The following RRM2 variants were observed in gnomAD, a reference collection of about 807,000 sequenced individuals.
The protein encoded by RRM2 is ribonucleotide reductase regulatory subunit M2, also known as ribonucleoside-diphosphate reductase subunit M2.
In RRM2, 6 loss-of-function variants were observed where a neutral mutation model predicts 45.9. That is an observed-to-expected ratio of 0.13 (90% CI 0.07 to 0.26). The LOEUF (loss-of-function observed/expected upper bound fraction) is 0.26. RRM2 is among the 10% of genes least tolerant of loss of function. RRM2 has a pLI of 1.00. For synonymous variants in RRM2, 177 were observed against 173.0 expected (o/e 1.02, Z -0.18); for missense variants, 343 against 489.5 (o/e 0.70, Z 2.82).
At chr2:10,194,615 TG>T (rs1664375628) in intron 3 of RRM2, among the ~76,000 whole-genome samples, 1 of 152,208 alleles carries the variant, frequency 6.6e-6, no homozygotes, top group Admixed American at 6.5e-5. Flanking sequence ...CCGGGTGGCT[TG>T]GCCGGCCTGG....
chr2:10,160,891 T>C (rs866454865), intron 3 of RRM2, among the ~76,000 whole-genome samples: 2 of 152,170 alleles, frequency 1.3e-5, no homozygotes, highest in African/African-American at 2.4e-5. Flanking sequence ...GCCCCTGCAG[T>C]GCTCCCACCA....
Position 10,124,860 on chromosome 2 carries a change from C to G in RRM2, c.569+10C>G. Reference sequence around the variant, plus strand: ...AAGATCCCAAAGAAAGGTGAGTATTCAAGTGGTATGCCAAGATTTTTAGGA... The same window carrying G: ...AAGATCCCAAAGAAAGGTGAGTATTGAAGTGGTATGCCAAGATTTTTAGGA... On this transcript the variant is annotated intron_variant, in intron 5 of 9. Coordinates refer to ENST00000304567, the MANE Select transcript of RRM2 (RefSeq NM_001034.4). 1 of 1,589,726 alleles carries G rather than the reference C, an allele frequency of 6.3e-7. No individual in the cohort carries two copies. The highest frequency in any genetic ancestry group is 8.6e-7 in the Non-Finnish European group (1 of 1,164,034).
intron 3 of RRM2, among the ~76,000 whole-genome samples, chr2:10,192,410 C>A (rs1664327049): frequency 6.6e-6 from 1 of 152,204 alleles, no homozygotes. Context: ...AGAACCTCTC[C>A]CTACAGCAGC....
intron 3 of RRM2, chr2:10,199,328 A>C (rs2125332095): frequency 6.6e-6 from 1 of 152,154 alleles, no homozygotes; most frequent in Middle Eastern, 3.4e-3. Flanking sequence ...AATTGAAAAC[A>C]TTATTTTGGA....
At chr2:10,144,384 T>C (rs1214822221) in intron 3 of RRM2, among the ~76,000 whole-genome samples, 1 of 152,204 alleles carries the variant, frequency 6.6e-6, no homozygotes. Context: ...CATGATGTGG[T>C]GGGGAAGTGA....
chr2:10,183,353 G>A (rs1051820654), intron 3 of RRM2, among the ~76,000 whole-genome samples: 2 of 152,162 alleles, frequency 1.3e-5, no homozygotes, highest in African/African-American at 2.4e-5. Context: ...ACTGGGCTCC[G>A]AGCCTCTGGG....
chr2:10,207,710 C>T (rs940184342), intron 3 of RRM2, among the ~76,000 whole-genome samples: 3 of 152,136 alleles, frequency 2.0e-5, no homozygotes, highest in Admixed American at 2.0e-4. Flanking sequence ...AGGAAGCCTG[C>T]CTTGACCTCC....
At chr2:10,152,703 G>A (rs1389868010) in intron 3 of RRM2, among the ~76,000 whole-genome samples, 4 of 151,308 alleles carry the variant, frequency 2.6e-5, no homozygotes, top group Non-Finnish European at 5.9e-5. Flanking sequence ...GGCTGGTCTC[G>A]AACTCTTCAC....
At chr2:10,184,486 CCCTGAGT>C (rs1664123381) in intron 3 of RRM2, among the ~76,000 whole-genome samples, 1 of 152,256 alleles carries the variant, frequency 6.6e-6, no homozygotes, top group Non-Finnish European at 1.5e-5. Flanking sequence ...TTGTGGGAGG[CCCTGAGT>C]CCTGGGCAAA....
rs955395981 is a variant in RRM2 at position 10,205,203 on chromosome 2, G to A, written n.483-5108G>A. Reference sequence around the variant, plus strand: ...AGACTTAGAGAAATGAGGAGGGGGCGTGGAGCAGGGGCTGAGGCCTGAGCG... The same window carrying A: ...AGACTTAGAGAAATGAGGAGGGGGCATGGAGCAGGGGCTGAGGCCTGAGCG... On this transcript the variant is annotated intron_variant and non_coding_transcript_variant, in intron 3 of 3. Coordinates refer to the RRM2 transcript ENST00000381786. This position sits in a 1 kb window ranked among gnomAD's most constrained non-coding sequence, Gnocchi z 4.8. Among the ~76,000 whole-genome samples, 4 of 152,224 alleles carry A rather than the reference G, an allele frequency of 2.6e-5. No individual in the cohort carries two copies. The highest frequency in any genetic ancestry group is 4.8e-5 in the African/African-American group (2 of 41,448).
At chr2:10,141,530 G>A in exon 1 of RRM2, 1 of 366,452 alleles carries the variant, frequency 2.7e-6, no homozygotes, top group South Asian at 2.8e-5. Flanking sequence ...TGGGCACATG[G>A]TGGTGGACAG....
intron 3 of RRM2, among the ~76,000 whole-genome samples, chr2:10,151,576 G>A (rs554904634): frequency 6.6e-6 from 1 of 152,168 alleles, no homozygotes; most frequent in African/African-American, 2.4e-5. Flanking sequence ...GGGATCACAG[G>A]CGTGAGCCAC....
chr2:10,150,361 C>T (rs530567058), intron 3 of RRM2, among the ~76,000 whole-genome samples: 5 of 151,174 alleles, frequency 3.3e-5, no homozygotes, highest in South Asian at 4.2e-4. Context: ...GCAGGAGAAT[C>T]GCTTGAATCT....
At chr2:10,210,641 C>A in exon 4 of RRM2, 1 of 1,343,582 alleles carries the variant, frequency 7.4e-7, no homozygotes, top group South Asian at 1.2e-5. Flanking sequence ...GCCTCTCATG[C>A]CGGAGTGGGG....
chr2:10,123,511 C>A lies in RRM2; in HGVS notation c.299C>A (p.Ser100Tyr). The A allele has an allele frequency of 6.2e-7, 1 of 1,613,386 alleles. No individual in the cohort carries two copies. The highest frequency in any genetic ancestry group is 8.5e-7 in the Non-Finnish European group (1 of 1,179,804). The change falls in exon 3 of 10, where the codon TCC (serine) becomes TAC (tyrosine). Residue 100 changes from serine to tyrosine, a missense_variant. Ser to Tyr is a moderately radical substitution (Grantham distance 144). Around this residue, in one of 2 missense-constraint regions of RRM2, gnomAD observed 212 missense variants for 368.1 expected, o/e 0.58. Coordinates refer to ENST00000304567, the MANE Select transcript of RRM2 (RefSeq NM_001034.4). ...CAGATGTATAAGAAGGCAGAGGCTTCCTTTTGGACCGCCGAGGAGGTAATC... is the reference window on the plus strand; with the variant it reads ...CAGATGTATAAGAAGGCAGAGGCTTACTTTTGGACCGCCGAGGAGGTAATC... ...IWQMYKKAEASFWTAEEVDLS... is the reference protein window; with the variant it reads ...IWQMYKKAEAYFWTAEEVDLS...
Position 10,122,975 on chromosome 2 carries a change from C to A in RRM2, c.100-8C>A, listed in dbSNP as rs1662694950. 2.6e-6 allele frequency: 4 copies of A among 1,550,058 alleles called. No individual in the cohort carries two copies. The highest frequency in any genetic ancestry group is 1.4e-5 in the African/African-American group (1 of 74,050). On this transcript the variant is annotated splice_region_variant and splice_polypyrimidine_tract_variant and intron_variant, in intron 1 of 9. Coordinates refer to ENST00000304567, the MANE Select transcript of RRM2 (RefSeq NM_001034.4). ...AGCCGCTCCTCACTCACACGCGTCT[C>A]CCCGCAGCCGCCGGCCCTGAGCGGG...
rs76398256 is a variant in RRM2 at position 10,205,883 on chromosome 2, G to A, written n.483-4428G>A. On this transcript the variant is annotated intron_variant and non_coding_transcript_variant, in intron 3 of 3. Coordinates refer to the RRM2 transcript ENST00000381786. The surrounding 1 kb of genome is among the most constrained non-coding windows in gnomAD (Gnocchi z 4.8). ...ATTTTTGTATTTTTAGTGGAGACGA[G>A]GTTTTCACCACGTTGACCAGGCTGG... is the stretch of plus-strand genomic sequence containing the variant. Among the ~76,000 whole-genome samples, 22,865 of 151,848 alleles carry A rather than the reference G, an allele frequency of 0.15. 2,071 individuals carry two copies. Among genetic ancestry groups the A allele is most frequent in the Non-Finnish European group, 0.21 (14,079 of 67,920 alleles).
At chr2:10,196,125 A>AC (rs1484196716) in intron 3 of RRM2, among the ~76,000 whole-genome samples, 1 of 151,936 alleles carries the variant, frequency 6.6e-6, no homozygotes, top group Non-Finnish European at 1.5e-5. Flanking sequence ...GTGGCTTCTC[A>AC]CCCTGTATTT....
chr2:10,134,830 GGA>G (rs1415760156), downstream of RRM2, among the ~76,000 whole-genome samples: 1 of 152,204 alleles, frequency 6.6e-6, no homozygotes, highest in African/African-American at 2.4e-5. Context: ...AAGAAAGCAT[GGA>G]GAGAGTGGAC....
Sources: gnomAD v4.1 joint callset for allele counts (sites outside exome capture counted in the v4.1 genomes callset) on GRCh38, gnomAD v4.1.1 for gene constraint, gnomAD v4.1.1 regional missense constraint, Gnocchi (gnomAD v3.1) non-coding constraint, MANE v1.5 for transcripts, NCBI Gene and HGNC (gene_info 2026-07-23, HGNC 2026-07-21) for gene names.